Variants in RNF103 observed in about 807,000 individuals in gnomAD.
The protein encoded by RNF103 is E3 ubiquitin-protein ligase RNF103.
Under a neutral mutation model 66.2 loss-of-function variants are expected in RNF103, and 23 were observed. The observed-to-expected ratio is 0.35, with a 90% CI of 0.25 to 0.49. RNF103 has a LOEUF of 0.49. Ranked by LOEUF, RNF103 falls within the 20% of genes least tolerant of loss-of-function variation. RNF103 has a pLI of 0.98. For synonymous variants in RNF103, 297 were observed against 289.9 expected, an observed-to-expected ratio of 1.02 and a Z score of -0.25; for missense variants, 730 against 814.7, an observed-to-expected ratio of 0.90 and a Z score of 1.27.
At chr2:86,606,882 A>C (rs974360589) in intron 3 of RNF103, among the ~76,000 whole-genome samples, 1 of 151,852 alleles carries the variant, frequency 6.6e-6, no homozygotes, top group African/African-American at 2.4e-5. Flanking sequence ...GGCTCAAGCG[A>C]TTCTCCTGCC....
In RNF103 at chr2:86,623,464, C is replaced by T. The variant is rs1233820264; in HGVS notation, c.-578G>A. The T allele has an allele frequency of 2.0e-6, 2 of 982,038 alleles. No homozygotes were observed. The highest frequency in any genetic ancestry group is 2.4e-6 in the Non-Finnish European group (2 of 828,688). 60.8% of individuals were successfully genotyped at this position (982,038 alleles called of 1,614,324 possible). On this transcript the variant is annotated 5_prime_UTR_variant, in exon 1 of 4. Transcript: ENST00000237455. The stretch of plus-strand genomic sequence containing the variant: ...CCAGCGTGTTCTGCGCGGGGAGGAG[C>T]GGCCGCCGCAACGCCGCGCCCGAAG...
chr2:86,612,734 A>G (rs1216881516), intron 2 of RNF103: 1 of 152,934 alleles, frequency 6.5e-6, no homozygotes, highest in Non-Finnish European at 1.5e-5. Flanking sequence ...ATAATTATGG[A>G]GCCAAGAGTC....
intron 3 of RNF103, among the ~76,000 whole-genome samples, chr2:86,606,662 C>CAAAAAA (rs200897796): frequency 4.1e-5 from 4 of 97,398 alleles, no homozygotes; most frequent in African/African-American, 9.5e-5. Flanking sequence ...AACTTCGTCT[C>CAAAAAA]AAAAAAAAAA....
Position 86,605,170 on chromosome 2 carries a change from T to G in RNF103, c.731A>C (p.Asp244Ala). 1 of 1,613,808 alleles carries G rather than the reference T, an allele frequency of 6.2e-7. No individual in the cohort carries two copies. The highest frequency in any genetic ancestry group is 1.1e-5 in the South Asian group (1 of 91,084). The part of the protein sequence containing the change: ...WLKIYLFANL[D>A]QPPAFFSALS... ...TGCAGAGAAGAAAGCTGGGGGCTGGTCAAGGTTTGCAAATAGGTATATTTT... is the reference window on the plus strand; with the variant it reads ...TGCAGAGAAGAAAGCTGGGGGCTGGGCAAGGTTTGCAAATAGGTATATTTT... Residue 244 changes from aspartate (D) to alanine (A), a missense_variant, in exon 4 of 4, where the codon GAC (aspartate) becomes GCC (alanine). By Grantham distance (126) the Asp-to-Ala change is moderately radical. Coordinates refer to ENST00000237455, the MANE Select transcript of RNF103 (RefSeq NM_005667.4).
At chr2:86,620,292 G>A in intron 2 of RNF103, 38 bp downstream of exon 2, 1 of 1,537,370 alleles carries the variant, frequency 6.5e-7, no homozygotes, top group Non-Finnish European at 8.8e-7. Context: ...AATTTTTTTA[G>A]GGCTCTCGAA....
chr2:86,613,231 G>A (rs1678868377), intron 2 of RNF103: 1 of 152,250 alleles, frequency 6.6e-6, no homozygotes, highest in Non-Finnish European at 1.5e-5. Flanking sequence ...CTGCAATCCA[G>A]CCTGGGTGAC....
intron 2 of RNF103, among the ~76,000 whole-genome samples, chr2:86,615,513 A>G (rs1017694091): frequency 7.7e-6 from 1 of 129,180 alleles, no homozygotes; most frequent in Non-Finnish European, 1.6e-5. Context: ...ATATATATAC[A>G]TATGCCTTAT....
At chr2:86,614,927 T>C (rs1678959080) in intron 2 of RNF103, 1 of 985,434 alleles carries the variant, frequency 1.0e-6, no homozygotes, top group East Asian at 1.1e-4. Context: ...GTGTGCAGAA[T>C]GACACTGCTC....
chr2:86,605,975 G>A (rs1295843001), intron 3 of RNF103, among the ~76,000 whole-genome samples: 1 of 152,118 alleles, frequency 6.6e-6, no homozygotes, highest in Non-Finnish European at 1.5e-5. Context: ...CTTGAGGGTA[G>A]GAGTCATGCT....
rs1678431599 is a variant in RNF103, at chr2:86,603,732, C to T, written c.*111G>A. 16 of 1,414,166 alleles carry T rather than the reference C, an allele frequency of 1.1e-5. 1 individual carries two copies. Among genetic ancestry groups the T allele is most frequent in the Middle Eastern group, 1.8e-4 (1 of 5,408 alleles). The allele number at this position is 1,414,166 out of a possible 1,614,324, so 87.6% of individuals were successfully genotyped here. A position where few individuals can be genotyped will look rare whatever the true frequency, so the allele number is the denominator to read the frequency against. On this transcript the variant is annotated 3_prime_UTR_variant, in exon 4 of 4. Coordinates refer to ENST00000237455, the MANE Select transcript of RNF103 (RefSeq NM_005667.4). ...CAACATTAGCATAATGTGTATTTCC[C>T]GTCACTGCACTAACATTAAACTAAA...
intron 2 of RNF103, among the ~76,000 whole-genome samples, chr2:86,616,040 C>A (rs936895628): frequency 3.9e-5 from 6 of 152,204 alleles, no homozygotes; most frequent in African/African-American, 1.4e-4. Context: ...TCCCCAGCAA[C>A]CTGTACCAAG....
chr2:86,622,528 T>C (rs1679270567), intron 1 of RNF103, 133 bp downstream of exon 1: 1 of 810,512 alleles, frequency 1.2e-6, no homozygotes, highest in African/African-American at 1.7e-5. Context: ...TGTAGGAAGC[T>C]TGGACGAAGA....
chr2:86,617,438 A>G (rs868463494), intron 2 of RNF103: 1 of 484,616 alleles, frequency 2.1e-6, no homozygotes, highest in Non-Finnish European at 2.7e-6. Flanking sequence ...ATGTTATTTC[A>G]GTATACTGTT....
intron 2 of RNF103, 112 bp from the exon 3 acceptor site, chr2:86,612,386 T>C (rs1475788289): frequency 3.1e-6 from 2 of 638,052 alleles, no homozygotes; most frequent in Non-Finnish European, 5.5e-6. Flanking sequence ...CTGTTCCCAG[T>C]TCTTGTTTAC....
At chr2:86,621,615 C>G (rs764809214) in intron 1 of RNF103, among the ~76,000 whole-genome samples, 6 of 152,102 alleles carry the variant, frequency 3.9e-5, no homozygotes, top group Non-Finnish European at 8.8e-5. Flanking sequence ...TACAAATATC[C>G]AAGTGTTAAA....
chr2:86,612,207 G>A lies in RNF103; in HGVS notation c.434C>T (p.Ser145Leu). 4.3e-6 allele frequency: 7 copies of A among 1,613,756 alleles called. No homozygotes were observed. Among genetic ancestry groups the A allele is most frequent in the Non-Finnish European group, 8.5e-7 (1 of 1,179,858 alleles). ...IHWEKMVKKV[S>L]RFGIRTGTFN... ...TGTGCCTGTACGTATTCCAAATCTTGACACCTTTTTAACCATTTTCTCCCA... is the reference window on the plus strand; with the variant it reads ...TGTGCCTGTACGTATTCCAAATCTTAACACCTTTTTAACCATTTTCTCCCA... Residue 145 changes from serine to leucine, a missense_variant, in exon 3 of 4, where the codon TCA becomes TTA. Around this residue, in one of 3 missense-constraint regions of RNF103, gnomAD observed 327 missense variants for 369.8 expected, o/e 0.88. Coordinates refer to ENST00000237455, the MANE Select transcript of RNF103 (RefSeq NM_005667.4).
At chr2:86,615,086 G>A (rs1678965656) in intron 2 of RNF103, 1 of 985,362 alleles carries the variant, frequency 1.0e-6, no homozygotes, top group Non-Finnish European at 1.2e-6. Flanking sequence ...GAATGAGAGG[G>A]GTTCTTCCCA....
At chr2:86,613,029 G>A (rs1394840141) in intron 2 of RNF103, 1 of 152,250 alleles carries the variant, frequency 6.6e-6, no homozygotes, top group Non-Finnish European at 1.5e-5. Context: ...GGAGGCCGAG[G>A]CAGATGCATC....
Position 86,623,742 on chromosome 2 carries a change from C to T in RNF103, c.-856G>A. On this transcript the variant is annotated 5_prime_UTR_variant, in exon 1 of 4. Coordinates refer to ENST00000237455, the MANE Select transcript of RNF103 (RefSeq NM_005667.4). Reference sequence around the variant, plus strand: ...GCCTCCCGGCCACTCAGCGCCCGTCCCGCTCGGATGGGCAGTGCCGGTCGC... The same window carrying T: ...GCCTCCCGGCCACTCAGCGCCCGTCTCGCTCGGATGGGCAGTGCCGGTCGC... The T allele has an allele frequency of 7.9e-7, 1 of 1,273,582 alleles. No homozygotes were observed. The highest frequency in any genetic ancestry group is 1.3e-5 in the South Asian group (1 of 79,628). The allele number at this position is 1,273,582 out of a possible 1,614,324, so 78.9% of individuals were successfully genotyped here. A position where few individuals can be genotyped will look rare whatever the true frequency, so the allele number is the denominator to read the frequency against.
Sources: gnomAD v4.1 joint callset for allele counts (sites outside exome capture counted in the v4.1 genomes callset) on GRCh38, gnomAD v4.1.1 for gene constraint, gnomAD v4.1.1 regional missense constraint, MANE v1.5 for transcripts, NCBI Gene and HGNC (gene_info 2026-07-23, HGNC 2026-07-21) for gene names.